The following LEMD3 variants were observed in gnomAD, a reference collection of about 807,000 sequenced individuals.
The protein encoded by LEMD3 is inner nuclear membrane protein Man1.
Under a neutral mutation model 95.2 loss-of-function variants are expected in LEMD3, and 33 were observed. The ratio of observed to expected loss-of-function variants is 0.35; its 90% CI spans 0.26 to 0.46. The LOEUF is 0.46. Among genes scored for constraint, LEMD3 ranks in the 20% least tolerant of loss-of-function variants. The probability of loss-of-function intolerance (pLI) is 1.00; values close to 1 mark genes in which losing one functional copy is unlikely to be tolerated. For missense variants in LEMD3, 1,210 were observed against 1,192.8 expected, an observed-to-expected ratio of 1.01 and a Z score of -0.21; for synonymous variants, 525 against 474.6, an observed-to-expected ratio of 1.11 and a Z score of -1.38.
intron 4 of LEMD3, among the ~76,000 whole-genome samples, chr12:65,228,401 T>A (rs1363533252): frequency 5.4e-5 from 8 of 148,318 alleles, no homozygotes; most frequent in Non-Finnish European, 9.0e-5. Flanking sequence ...TTTATTTATT[T>A]ATTTTTTTTT....
intron 9 of LEMD3, 124 bp downstream of exon 9, chr12:65,241,211 A>G: frequency 1.3e-6 from 1 of 791,738 alleles, no homozygotes. Flanking sequence ...TCTGTTTCGT[A>G]GAAGGAATCA....
chr12:65,222,527 A>T (rs138640902), intron 4 of LEMD3, among the ~76,000 whole-genome samples: 11 of 152,154 alleles, frequency 7.2e-5, no homozygotes, highest in African/African-American at 2.4e-4. Context: ...AATAAAATAG[A>T]TAATAAACTC....
intron 4 of LEMD3, among the ~76,000 whole-genome samples, chr12:65,236,178 C>G (rs1264671876): frequency 6.6e-6 from 1 of 152,302 alleles, no homozygotes; most frequent in East Asian, 1.9e-4. Context: ...CAATAGGACA[C>G]TTCTTAGAAA....
intron 1 of LEMD3, among the ~76,000 whole-genome samples, chr12:65,188,847 T>G (rs1420935810): frequency 1.3e-5 from 2 of 152,132 alleles, no homozygotes; most frequent in Non-Finnish European, 2.9e-5. Context: ...TTTGGCATAT[T>G]GCTGATGGCT....
intron 1 of LEMD3, among the ~76,000 whole-genome samples, chr12:65,181,010 A>ACACACACACACACACACAC (rs1565780094): frequency 1.3e-5 from 2 of 151,978 alleles, no homozygotes; most frequent in African/African-American, 4.8e-5. Flanking sequence ...ACACACACAC[A>ACACACACACACACACACAC]ATTTTCTGAC....
Position 65,170,766 on chromosome 12 carries a change from T to C in LEMD3, c.1170T>C (p.Asn390=). ...DSSTGSLLKT[N]NHIGGGAFSV... The stretch of plus-strand genomic sequence containing the variant: ...CAACAGGCTCCCTTCTGAAAACCAA[T>C]AATCATATTGGCGGTGGGGCCTTCA... Residue 390 remains asparagine (N), a synonymous_variant, in exon 1 of 13, where the codon AAT becomes AAC. Coordinates refer to ENST00000308330, the MANE Select transcript of LEMD3 (RefSeq NM_014319.5). 1 of 1,614,186 alleles carries C rather than the reference T, an allele frequency of 6.2e-7. No homozygotes were observed. Among genetic ancestry groups the C allele is most frequent in the African/African-American group, 1.3e-5 (1 of 75,038 alleles).
At chr12:65,220,652 G>A (rs1006868686) in intron 4 of LEMD3, among the ~76,000 whole-genome samples, 6 of 152,050 alleles carry the variant, frequency 3.9e-5, no homozygotes, top group Non-Finnish European at 8.8e-5. Context: ...CCATATCAAC[G>A]TCAAGAAGCT....
At chr12:65,209,639 T>C (rs1230013309) in intron 1 of LEMD3, among the ~76,000 whole-genome samples, 2 of 152,150 alleles carry the variant, frequency 1.3e-5, no homozygotes, top group Non-Finnish European at 2.9e-5. Flanking sequence ...TTTGATTTTC[T>C]GTAATATCTT....
At position 65,177,929 on chromosome 12, in the gene LEMD3, A is replaced by G. The variant is rs1868776740; in HGVS notation, c.1522+6811A>G. Among the ~76,000 whole-genome samples, 3 of 151,224 alleles carry G rather than the reference A, an allele frequency of 2.0e-5. No homozygotes were observed. The South Asian group carries it at 6.3e-4, about 32-fold the overall frequency. On this transcript the variant is annotated intron_variant, in intron 1 of 12. Coordinates refer to ENST00000308330, the MANE Select transcript of LEMD3 (RefSeq NM_014319.5). ...TGTGATCATGGCTTACTGCAGCCTCAACCTCCCAGGACTCAAGCAATCCTC... is the reference window on the plus strand; with the variant it reads ...TGTGATCATGGCTTACTGCAGCCTCGACCTCCCAGGACTCAAGCAATCCTC...
Position 65,195,269 on chromosome 12 carries a change from G to A in LEMD3, c.1523-15657G>A, listed in dbSNP as rs117096637. Reference sequence around the variant, plus strand: ...TAAATTGTCTTTGGCAATACCATCCGGATGTCGAAAAATATCACAAAAATG... The same window carrying A: ...TAAATTGTCTTTGGCAATACCATCCAGATGTCGAAAAATATCACAAAAATG... On this transcript the variant is annotated intron_variant, in intron 1 of 12. Transcript: ENST00000308330. 9.8e-3 allele frequency among the ~76,000 whole-genome samples: 1,492 copies of A among 152,020 alleles called. 13 individuals carry two copies. Among genetic ancestry groups the A allele is most frequent in the Middle Eastern group, 0.017 (5 of 294 alleles).
rs768546772 is a variant in LEMD3, at chr12:65,170,584, A to C, written c.988A>C (p.Arg330=). 3.1e-6 allele frequency: 5 copies of C among 1,613,876 alleles called. No individual in the cohort carries two copies. The highest frequency in any genetic ancestry group is 1.1e-5 in the South Asian group (1 of 91,078). The change falls in exon 1 of 13, where the codon AGG becomes CGG. Residue 330 remains arginine (R), a synonymous_variant. Transcript: ENST00000308330. ...GGCGGCGGCTGCCGGGAGTCTAGAC[A>C]GGAGCCGAAACCTCGAAGAGGCGGC... ...DRAAAAGSLD[R]SRNLEEAAAA... is the part of the protein sequence containing the mutation.
rs1283964514 is a variant in LEMD3 at position 65,247,065 on chromosome 12, G to A, written c.*740G>A. On this transcript the variant is annotated 3_prime_UTR_variant, in exon 13 of 13. Transcript: ENST00000308330. ...AGATGTATATATATACACACACAGAGATATATACATATGGCTGTACTTTTG... is the reference window on the plus strand; with the variant it reads ...AGATGTATATATATACACACACAGAAATATATACATATGGCTGTACTTTTG... 6.6e-6 allele frequency: 1 copy of A among 152,442 alleles called. No homozygotes were observed. Among genetic ancestry groups the A allele is most frequent in the Admixed American group, 6.6e-5 (1 of 15,250 alleles). The allele number at this position is 152,442 out of a possible 1,614,324, so 9.4% of individuals were successfully genotyped here. A position where few individuals can be genotyped will look rare whatever the true frequency, so the allele number is the denominator to read the frequency against.
chr12:65,227,528 T>G (rs1385002252), intron 4 of LEMD3, among the ~76,000 whole-genome samples: 1 of 152,298 alleles, frequency 6.6e-6, no homozygotes, highest in Non-Finnish European at 1.5e-5. Flanking sequence ...TATAAAATAC[T>G]GTAGTATTTA....
At chr12:65,171,949 A>T (rs1031860654) in intron 1 of LEMD3, 3 of 152,212 alleles carry the variant, frequency 2.0e-5, no homozygotes, top group African/African-American at 7.2e-5. Flanking sequence ...AAAAAAATTT[A>T]CCAGACTACA....
intron 1 of LEMD3, among the ~76,000 whole-genome samples, chr12:65,206,884 C>A (rs1417343120): frequency 1.3e-5 from 2 of 151,982 alleles, no homozygotes; most frequent in African/African-American, 2.4e-5. Flanking sequence ...TTAGAGCATG[C>A]TTTCTTTATA....
At chr12:65,205,081 C>T (rs1172160553) in intron 1 of LEMD3, among the ~76,000 whole-genome samples, 1 of 152,064 alleles carries the variant, frequency 6.6e-6, no homozygotes, top group Non-Finnish European at 1.5e-5. Context: ...GTACCTTTTT[C>T]ACAAGGTGAG....
intron 2 of LEMD3, among the ~76,000 whole-genome samples, chr12:65,211,953 A>G (rs1469567768): frequency 2.0e-5 from 3 of 152,232 alleles, no homozygotes; most frequent in Non-Finnish European, 2.9e-5. Flanking sequence ...CATTCTGTAC[A>G]GGGCCCCTTG....
chr12:65,207,793 CT>C (rs1300037129), intron 1 of LEMD3, among the ~76,000 whole-genome samples: 3 of 152,170 alleles, frequency 2.0e-5, no homozygotes, highest in Middle Eastern at 3.4e-3. Flanking sequence ...AAAGCATATA[CT>C]TTGAAGTTTA....
chr12:65,232,918 GT>G (rs1298984113), intron 4 of LEMD3, among the ~76,000 whole-genome samples: 10 of 152,134 alleles, frequency 6.6e-5, no homozygotes, highest in Admixed American at 6.5e-4. Context: ...CTGCAAATGT[GT>G]CAAATTATGG....
Sources: gnomAD v4.1 joint callset for allele counts (sites outside exome capture counted in the v4.1 genomes callset) on GRCh38, gnomAD v4.1.1 for gene constraint, MANE v1.5 for transcripts, NCBI Gene and HGNC (gene_info 2026-07-23, HGNC 2026-07-21) for gene names.